The following RNF114 variants were observed in gnomAD, a reference collection of about 807,000 sequenced individuals.
RNF114 encodes the protein ring finger protein 114.
In RNF114, 6 loss-of-function variants were observed where a neutral mutation model predicts 28.4. That is an observed-to-expected ratio of 0.21 (90% CI 0.12 to 0.42). The LOEUF is 0.42. RNF114 is among the 10% of genes least tolerant of loss of function. The pLI, the probability that RNF114 is intolerant of heterozygous loss-of-function variation, is 1.00. For synonymous variants in RNF114, 115 were observed against 116.7 expected, an observed-to-expected ratio of 0.99 and a Z score of 0.09; for missense variants, 249 against 311.7, an observed-to-expected ratio of 0.80 and a Z score of 1.51.
In RNF114 at chr20:49,936,967, A is replaced by G. The variant is rs189368636; in HGVS notation, c.140+415A>G. ...GCGTCGTGTCTAGCTGTGGCGAGTT[A>G]TTCTACTGTGCACTAAAGTCGGGAG... On this transcript the variant is annotated intron_variant, in intron 1 of 5. Coordinates refer to ENST00000244061, the MANE Select transcript of RNF114 (RefSeq NM_018683.4). Among the ~76,000 whole-genome samples, 85 of 152,174 alleles carry G rather than the reference A, an allele frequency of 5.6e-4. 1 individual carries two copies. Among genetic ancestry groups the G allele is most frequent in the African/African-American group, 2.0e-3 (84 of 41,524 alleles).
At chr20:49,941,529 G>A (rs762026772) in intron 1 of RNF114, 32 bp from the exon 2 acceptor site, 11 of 1,542,508 alleles carry the variant, frequency 7.1e-6, no homozygotes, top group East Asian at 4.7e-5. Context: ...TCCATGATGC[G>A]TGACAGAGGT....
chr20:49,936,675 C>G, intron 1 of RNF114, 123 bp downstream of exon 1: 1 of 1,250,578 alleles, frequency 8.0e-7, no homozygotes, highest in Non-Finnish European at 1.1e-6. Context: ...CCGGGGGTGT[C>G]CCCCGGGGCT....
chr20:49,952,002 T>TCCTGCTTCGGATCCAGTTGCTAGGCTGA, intron 5 of RNF114, 74 bp from the exon 6 acceptor site: 2 of 1,312,960 alleles, frequency 1.5e-6, no homozygotes, highest in Non-Finnish European at 2.2e-6. Flanking sequence ...TGCTAGGCTG[T>TCCTGCTTCGGATCCAGTTGCTAGGCTGA]CCTGCTTCTA....
intron 5 of RNF114, among the ~76,000 whole-genome samples, chr20:49,950,095 C>CA (rs1420147758): frequency 1.3e-5 from 2 of 151,840 alleles, no homozygotes; most frequent in Non-Finnish European, 2.9e-5. Context: ...ACTAAAAATA[C>CA]AAAAAAATTA....
rs563291597 is a variant in RNF114 at position 49,945,062 on chromosome 20, A to G, written c.292-320A>G. The G allele has an allele frequency of 1.4e-4, 31 of 224,156 alleles. No homozygotes were observed. The South Asian group carries it at 2.2e-3, about 16-fold the overall frequency. The allele number at this position is 224,156 out of a possible 1,614,324, so 13.9% of individuals were successfully genotyped here. A position where few individuals can be genotyped will look rare whatever the true frequency, so the allele number is the denominator to read the frequency against. On this transcript the variant is annotated intron_variant, in intron 2 of 5. Coordinates refer to ENST00000244061, the MANE Select transcript of RNF114 (RefSeq NM_018683.4). ...TAAGGAGACTAGTTTAAATGCTAGT[A>G]TAGAAAACTTTTAAAAACATCCTAG...
chr20:49,943,959 A>T (rs1407407610), intron 2 of RNF114: 1 of 149,326 alleles, frequency 6.7e-6, no homozygotes, highest in Non-Finnish European at 1.5e-5. Context: ...CGATCTCCTG[A>T]CCTCGTGACC....
intron 1 of RNF114, 136 bp from the exon 2 acceptor site, chr20:49,941,425 T>G: frequency 1.1e-6 from 1 of 938,520 alleles, no homozygotes; most frequent in Non-Finnish European, 1.6e-6. Context: ...TTGGAAGGAC[T>G]TAGTATTTGA....
intron 1 of RNF114, among the ~76,000 whole-genome samples, chr20:49,938,668 A>G (rs1277640947): frequency 6.6e-6 from 1 of 152,196 alleles, no homozygotes; most frequent in Non-Finnish European, 1.5e-5. Context: ...GAACTAGAAA[A>G]GGGCGCATAA....
intron 4 of RNF114, among the ~76,000 whole-genome samples, chr20:49,947,652 T>G (rs1600871548): frequency 6.6e-6 from 1 of 152,194 alleles, no homozygotes; most frequent in South Asian, 2.1e-4. Context: ...TATGGCAGCC[T>G]AATTTTCTGT....
At chr20:49,946,483 CT>C in intron 4 of RNF114, among the ~76,000 whole-genome samples, 1 of 152,290 alleles carries the variant, frequency 6.6e-6, no homozygotes, top group African/African-American at 2.4e-5. Flanking sequence ...ACTTCGCACC[CT>C]GATACAGGAG....
At chr20:49,941,845 G>A (rs377496664) in intron 2 of RNF114, 134 bp downstream of exon 2, 1 of 834,232 alleles carries the variant, frequency 1.2e-6, no homozygotes, top group Non-Finnish European at 1.8e-6. Flanking sequence ...AATTACCTGT[G>A]GTGATGGCTG....
chr20:49,939,562 C>A (rs78873470), intron 1 of RNF114, among the ~76,000 whole-genome samples: 5,616 of 152,200 alleles, frequency 0.037, 142 homozygotes, highest in East Asian at 0.092. Context: ...TCTTCCTAGG[C>A]TTCAGGATAG....
Position 49,952,180 on chromosome 20 carries a change from C to T in RNF114, c.*39C>T. ...TTGCTATCTGTCTCATGTTACAGAG[C>T]TTCCATTACATATTAAACGTGAAAT... On this transcript the variant is annotated 3_prime_UTR_variant, in exon 6 of 6. Transcript: ENST00000244061. 1 of 1,550,390 alleles carries T rather than the reference C, an allele frequency of 6.4e-7. No individual in the cohort carries two copies. The highest frequency in any genetic ancestry group is 8.9e-7 in the Non-Finnish European group (1 of 1,121,856).
intron 5 of RNF114, among the ~76,000 whole-genome samples, chr20:49,951,707 G>C (rs981093096): frequency 6.6e-6 from 1 of 152,170 alleles, no homozygotes; most frequent in African/African-American, 2.4e-5. Flanking sequence ...GTGAAACCCT[G>C]TCTCTACTAA....
chr20:49,938,825 G>A (rs368449651), intron 1 of RNF114, among the ~76,000 whole-genome samples: 4 of 152,196 alleles, frequency 2.6e-5, no homozygotes, highest in Non-Finnish European at 4.4e-5. Flanking sequence ...AAGAGACTTC[G>A]AGCTGCTTTT....
At chr20:49,947,769 G>GTTTTTTTTTTTTTTT (rs71190519) in intron 4 of RNF114, among the ~76,000 whole-genome samples, 16 of 50,476 alleles carry the variant, frequency 3.2e-4, no homozygotes, top group Non-Finnish European at 4.5e-4. Flanking sequence ...CCCTCTGCAA[G>GTTTTTTTTTTTTTTT]TTTTTTTTTT....
chr20:49,939,506 G>A (rs1600867959), intron 1 of RNF114, among the ~76,000 whole-genome samples: 1 of 152,280 alleles, frequency 6.6e-6, no homozygotes, highest in East Asian at 1.9e-4. Flanking sequence ...AAGTAGCCCA[G>A]GGTGTCTTCT....
At chr20:49,937,448 C>G (rs1478520417) in intron 1 of RNF114, among the ~76,000 whole-genome samples, 1 of 152,168 alleles carries the variant, frequency 6.6e-6, no homozygotes, top group Non-Finnish European at 1.5e-5. Flanking sequence ...CATTGCACTC[C>G]ATGGGCATTA....
At chr20:49,946,102 A>G in intron 3 of RNF114, 34 bp from the exon 4 acceptor site, 1 of 1,269,806 alleles carries the variant, frequency 7.9e-7, no homozygotes, top group Non-Finnish European at 1.1e-6. Flanking sequence ...TACTCACAGA[A>G]AAGTTTTCTT....
Sources: gnomAD v4.1 joint callset for allele counts (sites outside exome capture counted in the v4.1 genomes callset) on GRCh38, gnomAD v4.1.1 for gene constraint, MANE v1.5 for transcripts, NCBI Gene and HGNC (gene_info 2026-07-23, HGNC 2026-07-21) for gene names.